The following NRN1 variants were observed in gnomAD, a reference collection of about 807,000 sequenced individuals.
The protein encoded by NRN1 is neuritin.
A neutral mutation model predicts 15.0 loss-of-function variants in NRN1; 4 were observed. The ratio of observed to expected loss-of-function variants is 0.27; its 90% CI spans 0.13 to 0.61. The LOEUF (loss-of-function observed/expected upper bound fraction) is 0.61. NRN1 is among the 20% of genes least tolerant of loss of function. The pLI, the probability that NRN1 is intolerant of heterozygous loss-of-function variation, is 0.87. For synonymous variants in NRN1, 85 were observed against 79.8 expected, an observed-to-expected ratio of 1.07 and a Z score of -0.35; for missense variants, 134 against 181.9, an observed-to-expected ratio of 0.74 and a Z score of 1.51.
chr6:5,998,732 G>T lies in NRN1; in HGVS notation c.*244C>A. 1 of 434,530 alleles carries T rather than the reference G, an allele frequency of 2.3e-6. No homozygotes were observed. The highest frequency in any genetic ancestry group is 4.1e-6 in the Non-Finnish European group (1 of 245,318). The allele number at this position is 434,530 out of a possible 1,614,324, so 26.9% of individuals were successfully genotyped here. On this transcript the variant is annotated 3_prime_UTR_variant, in exon 3 of 3. Transcript: ENST00000244766. Reference sequence around the variant, plus strand: ...CGTTTTCTTATTTGTGTGTGAAGACGGACTAAAGCTGAGGTCCGATTTTGG... The same window carrying T: ...CGTTTTCTTATTTGTGTGTGAAGACTGACTAAAGCTGAGGTCCGATTTTGG...
chr6:6,000,035 G>T (rs545614529), intron 2 of NRN1, among the ~76,000 whole-genome samples: 110 of 152,310 alleles, frequency 7.2e-4, no homozygotes, highest in African/African-American at 2.5e-3. Flanking sequence ...CTGCGCGTTG[G>T]GTCCCTCCTG....
chr6:6,001,561 C>A (rs895184823), intron 2 of NRN1, among the ~76,000 whole-genome samples: 1 of 152,198 alleles, frequency 6.6e-6, no homozygotes, highest in African/African-American at 2.4e-5. Context: ...CTACCCATCT[C>A]TCTTTACCTT....
At chr6:6,002,994 G>T in intron 1 of NRN1, 1 of 410,298 alleles carries the variant, frequency 2.4e-6, no homozygotes, top group Non-Finnish European at 4.2e-6. Context: ...AGACGACAGG[G>T]CGTGGGGTCA....
intron 1 of NRN1, chr6:6,003,691 A>G: frequency 8.1e-7 from 1 of 1,234,030 alleles, no homozygotes; most frequent in Non-Finnish European, 1.0e-6. Context: ...GCGGGACTGG[A>G]AGGACAGGTA....
Position 5,998,932 on chromosome 6 carries a change from T to G in NRN1, c.*44A>C. ...ATCTTCCTCTCGATTTCCGGGAGCA[T>G]GGAGTGAGTGTGGGTGGGCGCGCGG... On this transcript the variant is annotated 3_prime_UTR_variant, in exon 3 of 3. Coordinates refer to ENST00000244766, the MANE Select transcript of NRN1 (RefSeq NM_016588.3). The G allele has an allele frequency of 1.4e-6, 2 of 1,388,154 alleles. No homozygotes were observed. The highest frequency in any genetic ancestry group is 2.0e-6 in the Non-Finnish European group (2 of 989,292). The allele number at this position is 1,388,154 out of a possible 1,614,324, so 86.0% of individuals were successfully genotyped here.
chr6:6,002,296 T>C lies in NRN1; in HGVS notation c.200+57A>G. 6.3e-6 allele frequency: 10 copies of C among 1,593,788 alleles called. No individual in the cohort carries two copies. The South Asian group carries it at 1.0e-4, about 16-fold the overall frequency. On this transcript the variant is annotated intron_variant, in intron 2 of 2. Transcript: ENST00000244766. ...GCGCAGGCGGGGAGGCTCGGCACTC[T>C]CCGACCTCAGTAGCGCCCCCAAAAC...
intron 2 of NRN1, among the ~76,000 whole-genome samples, chr6:5,999,566 G>A (rs1211107114): frequency 2.0e-5 from 3 of 152,248 alleles, no homozygotes; most frequent in Non-Finnish European, 4.4e-5. Context: ...GGAAAGCTAG[G>A]AAAACAGTGC....
intron 1 of NRN1, among the ~76,000 whole-genome samples, chr6:6,003,441 G>A (rs970322132): frequency 1.3e-5 from 2 of 152,102 alleles, no homozygotes; most frequent in Admixed American, 6.6e-5. Context: ...CAAAAAGCCC[G>A]CCTACACTCC....
intron 1 of NRN1, 61 bp downstream of exon 1, chr6:6,006,634 C>G: frequency 6.4e-7 from 1 of 1,561,704 alleles, no homozygotes; most frequent in Non-Finnish European, 8.8e-7. Flanking sequence ...CCCTCCGCGC[C>G]TCGGGCCGGG....
chr6:5,999,254 G>C, intron 2 of NRN1, 50 bp from the exon 3 acceptor site: 1 of 1,515,860 alleles, frequency 6.6e-7, no homozygotes, highest in Non-Finnish European at 9.1e-7. Flanking sequence ...TTGGGACGCC[G>C]GGAACACCCC....
In NRN1 at chr6:5,998,858, A is replaced by C. The variant is rs1204615209; in HGVS notation, c.*118T>G. 5.9e-6 allele frequency: 4 copies of C among 675,230 alleles called. No homozygotes were observed. The highest frequency in any genetic ancestry group is 1.0e-5 in the Non-Finnish European group (4 of 395,692). The allele number at this position is 675,230 out of a possible 1,614,324, so 41.8% of individuals were successfully genotyped here. A position where few individuals can be genotyped will look rare whatever the true frequency, so the allele number is the denominator to read the frequency against. The stretch of plus-strand genomic sequence containing the variant: ...TCAGGATTTCCCACAATCCTATATG[A>C]GTGTTTTCAGCATCACAGAGAATCA... On this transcript the variant is annotated 3_prime_UTR_variant, in exon 3 of 3. Coordinates refer to ENST00000244766, the MANE Select transcript of NRN1 (RefSeq NM_016588.3).
intron 1 of NRN1, 32 bp downstream of exon 1, chr6:6,006,663 C>T: frequency 3.1e-6 from 5 of 1,610,100 alleles, no homozygotes; most frequent in Non-Finnish European, 4.2e-6. Flanking sequence ...CCTCCCGCCT[C>T]CAGCCTCCAG....
chr6:6,005,754 G>C (rs1289958043), intron 1 of NRN1, among the ~76,000 whole-genome samples: 3 of 152,184 alleles, frequency 2.0e-5, no homozygotes, highest in Non-Finnish European at 4.4e-5. Context: ...TTCACTTTTA[G>C]GCCACGTTAA....
chr6:6,006,822 A>C lies in NRN1; in HGVS notation c.-73T>G. ...GTTTAGAGAACGCGGGGGAAAGCCAAAAAATAGGCATTGCCAACAAGTTCC... is the reference window on the plus strand; with the variant it reads ...GTTTAGAGAACGCGGGGGAAAGCCACAAAATAGGCATTGCCAACAAGTTCC... On this transcript the variant is annotated 5_prime_UTR_variant, in exon 1 of 3. Coordinates refer to ENST00000244766, the MANE Select transcript of NRN1 (RefSeq NM_016588.3). 2 of 1,389,680 alleles carry C rather than the reference A, an allele frequency of 1.4e-6. No homozygotes were observed. The highest frequency in any genetic ancestry group is 2.1e-6 in the Non-Finnish European group (2 of 975,478). 86.1% of individuals were successfully genotyped at this position (1,389,680 alleles called of 1,614,324 possible).
In NRN1 at chr6:6,005,651, T is replaced by C. The variant is rs181634440; in HGVS notation, c.55+1044A>G. On this transcript the variant is annotated intron_variant, in intron 1 of 2. Transcript: ENST00000244766. Reference sequence around the variant, plus strand: ...ACTGCAAGGATTTGTCTGCAAAGAATGCCACAGCCTGAACTGATAGGAGGT... The same window carrying C: ...ACTGCAAGGATTTGTCTGCAAAGAACGCCACAGCCTGAACTGATAGGAGGT... Among the ~76,000 whole-genome samples the C allele has an allele frequency of 2.5e-3, 376 of 152,334 alleles. 1 individual carries two copies. Among genetic ancestry groups the C allele is most frequent in the Middle Eastern group, 3.4e-3 (1 of 294 alleles).
chr6:6,004,431 C>T (rs1758054504), intron 1 of NRN1, among the ~76,000 whole-genome samples: 1 of 152,176 alleles, frequency 6.6e-6, no homozygotes, highest in Non-Finnish European at 1.5e-5. Context: ...CACCCCTTGC[C>T]TACACCCCCA....
At chr6:6,002,625 C>T in intron 1 of NRN1, 128 bp from the exon 2 acceptor site, 2 of 1,248,768 alleles carry the variant, frequency 1.6e-6, no homozygotes, top group African/African-American at 1.5e-5. Flanking sequence ...CGCCCAGCCT[C>T]GGGGCTCGCC....
At chr6:6,003,295 G>A in intron 1 of NRN1, 1 of 1,223,282 alleles carries the variant, frequency 8.2e-7, no homozygotes, top group Non-Finnish European at 1.0e-6. Flanking sequence ...AAGGCCAGAG[G>A]CCGGGCGGGG....
rs1263136045 is a variant in NRN1 at position 6,006,604 on chromosome 6, G to C, written c.55+91C>G. On this transcript the variant is annotated intron_variant, in intron 1 of 2. Transcript: ENST00000244766. ...TGCCGGCTTCTCCGCACCCTGGGGC[G>C]GCCGCGGACCCGCTAGTCCCCCTCC... 4.8e-6 allele frequency: 6 copies of C among 1,248,034 alleles called. No homozygotes were observed. The East Asian group carries it at 1.2e-4, about 24-fold the overall frequency. 77.3% of individuals were successfully genotyped at this position (1,248,034 alleles called of 1,614,324 possible).
Sources: allele counts gnomAD v4.1 joint callset (sites outside exome capture counted in the v4.1 genomes callset), GRCh38; gene constraint gnomAD v4.1.1; transcripts MANE v1.5; gene names NCBI Gene and HGNC (gene_info 2026-07-23, HGNC 2026-07-21).